The following SMAP1 variants were observed in gnomAD, a reference collection of about 807,000 sequenced individuals.
SMAP1 encodes small ArfGAP 1, also known as stromal membrane-associated protein 1.
SMAP1 carries 24 observed loss-of-function variants against 58.5 expected under a neutral mutation model. That is an observed-to-expected ratio of 0.41 (90% CI 0.30 to 0.58). The LOEUF is 0.58. SMAP1 is among the 20% of genes least tolerant of loss of function. The pLI is 0.29. For synonymous variants in SMAP1, 216 were observed against 196.6 expected, an observed-to-expected ratio of 1.10 and a Z score of -0.82; for missense variants, 563 against 566.3, an observed-to-expected ratio of 0.99 and a Z score of 0.06.
intron 4 of SMAP1, among the ~76,000 whole-genome samples, chr6:70,787,274 C>T (rs1165967756): frequency 3.3e-5 from 5 of 152,184 alleles, no homozygotes; most frequent in African/African-American, 9.7e-5. Context: ...GGATCCCTTC[C>T]TTACACCTTA....
At chr6:70,721,740 A>G (rs747676514) in intron 1 of SMAP1, among the ~76,000 whole-genome samples, 6 of 152,214 alleles carry the variant, frequency 3.9e-5, no homozygotes, top group Non-Finnish European at 7.3e-5. Context: ...TCACGGAATC[A>G]TGGTCGGAAG....
At chr6:70,697,606 G>A (rs982426410) in intron 1 of SMAP1, among the ~76,000 whole-genome samples, 8 of 151,938 alleles carry the variant, frequency 5.3e-5, no homozygotes, top group Non-Finnish European at 5.9e-5. Flanking sequence ...ACGCCTGGCC[G>A]CTTCTTGTCT....
At chr6:70,706,886 G>A (rs1056067668) in intron 1 of SMAP1, among the ~76,000 whole-genome samples, 8 of 152,024 alleles carry the variant, frequency 5.3e-5, no homozygotes, top group Non-Finnish European at 1.0e-4. Flanking sequence ...TATAGCCCCA[G>A]GATATATCAA....
chr6:70,826,111 G>A (rs902487560), intron 6 of SMAP1, among the ~76,000 whole-genome samples: 2 of 152,134 alleles, frequency 1.3e-5, no homozygotes, highest in African/African-American at 4.8e-5. Flanking sequence ...TACTGTGAAA[G>A]GGACTCTCTT....
chr6:70,833,769 T>C (rs1050899337), intron 6 of SMAP1, among the ~76,000 whole-genome samples: 3 of 152,208 alleles, frequency 2.0e-5, no homozygotes, highest in Admixed American at 2.0e-4. Flanking sequence ...TACTCTATTT[T>C]CTATTCTGTA....
At chr6:70,850,441 A>G (rs544130136) in intron 7 of SMAP1, among the ~76,000 whole-genome samples, 36 of 152,010 alleles carry the variant, frequency 2.4e-4, no homozygotes, top group African/African-American at 8.4e-4. Flanking sequence ...TCAGCTTGTC[A>G]CCGTTTTTTT....
chr6:70,692,609 G>A lies in SMAP1; in HGVS notation c.118+24468G>A, dbSNP rs115729152. 5.9e-3 allele frequency among the ~76,000 whole-genome samples: 900 copies of A among 152,240 alleles called. 13 individuals carry two copies. Among genetic ancestry groups the A allele is most frequent in the African/African-American group, 0.021 (868 of 41,524 alleles). On this transcript the variant is annotated intron_variant, in intron 1 of 10. Transcript: ENST00000370455. ...GAATTTTGAATATGGTGAGAGATAC[G>A]AGTCAAGTTTTATTCTTCTGCATAT...
At chr6:70,725,107 T>G (rs1263035358) in intron 1 of SMAP1, among the ~76,000 whole-genome samples, 13 of 95,464 alleles carry the variant, frequency 1.4e-4, no homozygotes, top group African/African-American at 5.0e-4. Flanking sequence ...TTTTTTTTTT[T>G]TTTTTTTTTT....
chr6:70,719,269 C>A (rs1007139421), intron 1 of SMAP1, among the ~76,000 whole-genome samples: 3 of 152,196 alleles, frequency 2.0e-5, no homozygotes, highest in Non-Finnish European at 4.4e-5. Flanking sequence ...AATGAAGAAA[C>A]TGATCTTCAT....
At chr6:70,681,869 T>A (rs1766723975) in intron 1 of SMAP1, among the ~76,000 whole-genome samples, 1 of 152,198 alleles carries the variant, frequency 6.6e-6, no homozygotes, top group African/African-American at 2.4e-5. Flanking sequence ...TATTAGGTGC[T>A]AATAGGGCTG....
intron 6 of SMAP1, among the ~76,000 whole-genome samples, chr6:70,834,103 G>T (rs1582278607): frequency 6.6e-6 from 1 of 152,206 alleles, no homozygotes; most frequent in Middle Eastern, 3.4e-3. Context: ...GATTACTAGA[G>T]GACCTCTGCA....
chr6:70,776,317 G>A (rs1198885879), intron 4 of SMAP1, among the ~76,000 whole-genome samples: 1 of 152,096 alleles, frequency 6.6e-6, no homozygotes, highest in African/African-American at 2.4e-5. Flanking sequence ...CGAGTAGCTG[G>A]GACTACAGGC....
At chr6:70,680,712 G>GT (rs34867967) in intron 1 of SMAP1, among the ~76,000 whole-genome samples, 20,676 of 79,222 alleles carry the variant, frequency 0.26, 3,117 homozygotes, top group Non-Finnish European at 0.32. Flanking sequence ...TGGATTTCCT[G>GT]TTTTTTTTTT....
intron 6 of SMAP1, among the ~76,000 whole-genome samples, chr6:70,806,374 T>C (rs1354315011): frequency 6.6e-6 from 1 of 152,198 alleles, no homozygotes; most frequent in African/African-American, 2.4e-5. Flanking sequence ...AAATACAGTA[T>C]TTAGGCAGGA....
intron 5 of SMAP1, among the ~76,000 whole-genome samples, chr6:70,793,532 A>G (rs893020231): frequency 6.6e-6 from 1 of 151,840 alleles, no homozygotes; most frequent in Non-Finnish European, 1.5e-5. Flanking sequence ...AAAGAGGTGA[A>G]TTAGAAGTTG....
chr6:70,803,873 T>C (rs1024811213), intron 6 of SMAP1, among the ~76,000 whole-genome samples: 3 of 152,250 alleles, frequency 2.0e-5, no homozygotes, highest in African/African-American at 4.8e-5. Context: ...TTGTGATTTC[T>C]GTTCTTTTAC....
chr6:70,762,346 G>C (rs539403165), intron 3 of SMAP1, among the ~76,000 whole-genome samples: 3 of 152,214 alleles, frequency 2.0e-5, no homozygotes, highest in Admixed American at 2.0e-4. Flanking sequence ...ACAGTTGAGT[G>C]ATTGAAACAT....
At chr6:70,816,106 GTC>G (rs1451784225) in intron 6 of SMAP1, among the ~76,000 whole-genome samples, 1 of 152,126 alleles carries the variant, frequency 6.6e-6, no homozygotes, top group East Asian at 1.9e-4. Context: ...TATTAGGAAA[GTC>G]TTCATGGAAG....
chr6:70,860,454 G>T lies in SMAP1; in HGVS notation c.*120G>T. 8.3e-7 allele frequency: 1 copy of T among 1,200,036 alleles called. No individual in the cohort carries two copies. The highest frequency in any genetic ancestry group is 1.1e-6 in the Non-Finnish European group (1 of 874,862). 74.3% of individuals were successfully genotyped at this position (1,200,036 alleles called of 1,614,324 possible). ...CTTTTTACCCATTTGTTCATATTAAGAATGATCTGATTGACCGTGTTGGTC... is the reference window on the plus strand; with the variant it reads ...CTTTTTACCCATTTGTTCATATTAATAATGATCTGATTGACCGTGTTGGTC... On this transcript the variant is annotated 3_prime_UTR_variant, in exon 11 of 11. Coordinates refer to ENST00000370455, the MANE Select transcript of SMAP1 (RefSeq NM_001044305.3).
Sources: allele counts gnomAD v4.1 joint callset (sites outside exome capture counted in the v4.1 genomes callset), GRCh38; gene constraint gnomAD v4.1.1; transcripts MANE v1.5; gene names NCBI Gene and HGNC (gene_info 2026-07-23, HGNC 2026-07-21).